The following AKAP11 variants were observed in gnomAD, a reference collection of about 807,000 sequenced individuals.
AKAP11 encodes A-kinase anchoring protein 11, also known as A-kinase anchor protein 11.
A neutral mutation model predicts 146.1 loss-of-function variants in AKAP11; 36 were observed. The ratio of observed to expected loss-of-function variants is 0.25; its 90% CI spans 0.19 to 0.33. The LOEUF (loss-of-function observed/expected upper bound fraction) is 0.33, where lower values mean the gene tolerates loss of function less well. Among genes scored for constraint, AKAP11 ranks in the 10% least tolerant of loss-of-function variants. The probability of loss-of-function intolerance (pLI) is 1.00; values close to 1 mark genes in which losing one functional copy is unlikely to be tolerated. For missense variants in AKAP11, 2,201 were observed against 2,197.0 expected (o/e 1.00, Z -0.04); for synonymous variants, 780 against 786.5 (o/e 0.99, Z 0.14).
chr13:42,302,302 G>C lies in AKAP11; in HGVS notation c.3556G>C (p.Asp1186His). Residue 1186 changes from aspartate to histidine, a missense_variant, in exon 8 of 13, where the codon GAT becomes CAT. By Grantham distance (81) the Asp-to-His change is moderately conservative (BLOSUM62 -1). Coordinates refer to ENST00000025301, the MANE Select transcript of AKAP11 (RefSeq NM_016248.4). ...TGAAAGTGGAGAGCTCCCAGAAGTG[G>C]ATGTGAAGTCGGAGCACTCAGGGAA... is the stretch of plus-strand genomic sequence containing the variant. ...SSESGELPEV[D>H]VKSEHSGKKV... 1 of 1,614,172 alleles carries C rather than the reference G, an allele frequency of 6.2e-7. No homozygotes were observed. Among genetic ancestry groups the C allele is most frequent in the Non-Finnish European group, 8.5e-7 (1 of 1,180,030 alleles).
In AKAP11 at chr13:42,300,238, G is replaced by A; in HGVS notation, c.1492G>A (p.Glu498Lys). ...AGACTATGCAAAAAGCATTTCATGT[G>A]AAGTACTAGGCTCAGTTCTTCGTAC... The part of the protein sequence containing the change: ...YEDYAKSISC[E>K]VLGSVLRTHH... The change falls in exon 8 of 13, where the codon GAA becomes AAA. Residue 498 changes from glutamate (E) to lysine (K), a missense_variant. Physicochemically the swap from Glu to Lys is moderately conservative, Grantham distance 56. Coordinates refer to ENST00000025301, the MANE Select transcript of AKAP11 (RefSeq NM_016248.4). The A allele has an allele frequency of 6.2e-7, 1 of 1,613,892 alleles. No homozygotes were observed. The highest frequency in any genetic ancestry group is 8.5e-7 in the Non-Finnish European group (1 of 1,179,868).
chr13:42,281,985 T>G (rs929097907), intron 1 of AKAP11, among the ~76,000 whole-genome samples: 1 of 150,708 alleles, frequency 6.6e-6, no homozygotes, highest in Non-Finnish European at 1.5e-5. Context: ...TCTTTCTTTT[T>G]TTTTTTTTTT....
intron 8 of AKAP11, among the ~76,000 whole-genome samples, chr13:42,305,235 T>G (rs1960191189): frequency 1.3e-5 from 2 of 152,232 alleles, no homozygotes. Context: ...ATATTCCAGA[T>G]TTTTGAGTAG....
intron 1 of AKAP11, among the ~76,000 whole-genome samples, chr13:42,279,109 C>T (rs1286043668): frequency 6.6e-6 from 1 of 151,956 alleles, no homozygotes; most frequent in Non-Finnish European, 1.5e-5. Flanking sequence ...TTATGATTTG[C>T]CTTGGCTTTC....
At chr13:42,312,908 T>G (rs1325525018) in intron 9 of AKAP11, 139 bp from the exon 10 acceptor site, 19 of 676,304 alleles carry the variant, frequency 2.8e-5, no homozygotes, top group Non-Finnish European at 4.5e-5. Flanking sequence ...ATGGTCAATC[T>G]CCTCTCTGGA....
intron 1 of AKAP11, among the ~76,000 whole-genome samples, chr13:42,273,301 G>A (rs1958825592): frequency 6.6e-6 from 1 of 151,814 alleles, no homozygotes; most frequent in Non-Finnish European, 1.5e-5. Context: ...ATCATTTTAG[G>A]ATGGCAGCCC....
At chr13:42,277,432 T>C (rs1958949939) in intron 1 of AKAP11, among the ~76,000 whole-genome samples, 1 of 152,222 alleles carries the variant, frequency 6.6e-6, no homozygotes, top group South Asian at 2.1e-4. Flanking sequence ...TCAGTAGCCA[T>C]TCACACTTAG....
At position 42,303,046 on chromosome 13, in the gene AKAP11, T is replaced by C; in HGVS notation, c.4300T>C (p.Phe1434Leu). 1.2e-6 allele frequency: 2 copies of C among 1,612,946 alleles called. No homozygotes were observed. ...KRQSKRNEGY[F>L]CKNQTCERTL... ...ACAAAGTAAAAGAAATGAAGGTTAC[T>C]TTTGTAAAAATCAAACTTGTGAAAG... The change falls in exon 8 of 13, where the codon TTT becomes CTT. Residue 1434 changes from phenylalanine (F) to leucine (L), a missense_variant. Phe to Leu is a conservative substitution (Grantham distance 22). This residue lies in a region of AKAP11 where 1,867 missense variants were observed against 1,833.5 expected (regional missense o/e 1.02). Transcript: ENST00000025301.
Position 42,300,194 on chromosome 13 carries a change from C to G in AKAP11, c.1448C>G (p.Ser483Cys), listed in dbSNP as rs761817532. 6 of 1,613,770 alleles carry G rather than the reference C, an allele frequency of 3.7e-6. No homozygotes were observed. The highest frequency in any genetic ancestry group is 5.1e-6 in the Non-Finnish European group (6 of 1,179,884). The change falls in exon 8 of 13, where the codon TCT becomes TGT. Residue 483 changes from serine (S) to cysteine (C), a missense_variant. Ser to Cys is a moderately radical substitution (Grantham distance 112, BLOSUM62 -1). Around this residue, in one of 3 missense-constraint regions of AKAP11, gnomAD observed 1,867 missense variants for 1,833.5 expected, o/e 1.02. Transcript: ENST00000025301. ...GGDRIHENHD[S>C]VYYTYEDYAK... is the part of the protein sequence containing the mutation. ...GATAGGATTCATGAAAATCATGATT[C>G]TGTTTATTACACCTATGAAGACTAT...
intron 6 of AKAP11, among the ~76,000 whole-genome samples, 187 bp downstream of exon 6, chr13:42,297,369 T>G (rs1959578677): frequency 1.3e-5 from 2 of 151,940 alleles, no homozygotes; most frequent in South Asian, 4.1e-4. Flanking sequence ...ATAATTTTGG[T>G]CATATCTTAT....
chr13:42,292,599 A>G (rs1303595598), intron 4 of AKAP11, 98 bp downstream of exon 4: 1 of 665,552 alleles, frequency 1.5e-6, no homozygotes, highest in South Asian at 4.5e-5. Flanking sequence ...AATGCCTAAA[A>G]TCTCTATTTG....
At chr13:42,289,350 C>T (rs1192956111) in intron 3 of AKAP11, among the ~76,000 whole-genome samples, 1 of 152,180 alleles carries the variant, frequency 6.6e-6, no homozygotes, top group African/African-American at 2.4e-5. Context: ...TCATAGTTAA[C>T]ACCAGTGGTA....
In AKAP11 at chr13:42,301,544, G is replaced by GCAATAAGGA; in HGVS notation, c.2801_2809dup (p.Asn934_Asp936dup). 6.2e-7 allele frequency: 1 copy of GCAATAAGGA among 1,614,100 alleles called. No individual in the cohort carries two copies. Among genetic ancestry groups the GCAATAAGGA allele is most frequent in the Non-Finnish European group, 8.5e-7 (1 of 1,179,982 alleles). ...GTGCTGCAATGCAGTGAAGCTAGTA[G>GCAATAAGGA]CAATAAGGACATGTTTGCTGACCGG... On this transcript the variant is annotated inframe_insertion, in exon 8 of 13. Coordinates refer to ENST00000025301, the MANE Select transcript of AKAP11 (RefSeq NM_016248.4).
Position 42,301,124 on chromosome 13 carries a change from A to T in AKAP11, c.2378A>T (p.His793Leu), listed in dbSNP as rs781729283. The T allele has an allele frequency of 6.2e-7, 1 of 1,614,094 alleles. No individual in the cohort carries two copies. Among genetic ancestry groups the T allele is most frequent in the Non-Finnish European group, 8.5e-7 (1 of 1,179,972 alleles). The change falls in exon 8 of 13, where the codon CAT becomes CTT. Residue 793 changes from histidine (H) to leucine (L), a missense_variant. Transcript: ENST00000025301. Reference protein sequence around the residue: ...PLAGSALLPYHISSTACQAKA... With the variant: ...PLAGSALLPYLISSTACQAKA... The stretch of plus-strand genomic sequence containing the variant: ...GCAGGAAGTGCCCTTCTCCCATATC[A>T]TATTTCATCTACTGCATGTCAGGCC...
chr13:42,274,113 T>C (rs1958852349), intron 1 of AKAP11, among the ~76,000 whole-genome samples: 1 of 152,162 alleles, frequency 6.6e-6, no homozygotes, highest in African/African-American at 2.4e-5. Context: ...TGGTGTTTGG[T>C]TTTTCAAAAG....
chr13:42,313,021 G>C (rs548955257), intron 9 of AKAP11, 26 bp from the exon 10 acceptor site: 3 of 1,590,718 alleles, frequency 1.9e-6, no homozygotes, highest in Non-Finnish European at 2.6e-6. Flanking sequence ...TTCTAGTTCA[G>C]CTCTGTTCTT....
At chr13:42,306,132 C>G (rs1359239285) in intron 8 of AKAP11, among the ~76,000 whole-genome samples, 1 of 152,138 alleles carries the variant, frequency 6.6e-6, no homozygotes, top group African/African-American at 2.4e-5. Flanking sequence ...AACCTCTGTC[C>G]TAGATCCACA....
At position 42,301,818 on chromosome 13, in the gene AKAP11, A is replaced by G. The variant is rs942228759; in HGVS notation, c.3072A>G (p.Pro1024=). Residue 1024 remains proline (P), a synonymous_variant, in exon 8 of 13, where the codon CCA becomes CCG. Transcript: ENST00000025301. ...ATGGATCCTCCCTAGAGACACTGCC[A>G]TCTTGTCCAGCTGTGACAGGTCAGA... ...MVHGSSLETL[P]SCPAVTGQKS... The G allele has an allele frequency of 3.7e-6, 6 of 1,614,170 alleles. No individual in the cohort carries two copies. The highest frequency in any genetic ancestry group is 3.3e-5 in the South Asian group (3 of 91,080).
In AKAP11 at chr13:42,303,580, C is replaced by T; in HGVS notation, c.4834C>T (p.Leu1612Phe). The T allele has an allele frequency of 6.2e-7, 1 of 1,614,234 alleles. No homozygotes were observed. The highest frequency in any genetic ancestry group is 8.5e-7 in the Non-Finnish European group (1 of 1,180,046). ...TCAGCACTTTTTCAGACAGGGTTCT[C>T]TCGCCAGTAGTAAGCCAGCTTCTAA... is the stretch of plus-strand genomic sequence containing the variant. ...SSQHFFRQGSLASSKPASNPK... is the reference protein window; with the variant it reads ...SSQHFFRQGSFASSKPASNPK... The change falls in exon 8 of 13, where the codon CTC (leucine) becomes TTC (phenylalanine). Residue 1612 changes from leucine to phenylalanine, a missense_variant. Coordinates refer to ENST00000025301, the MANE Select transcript of AKAP11 (RefSeq NM_016248.4).
Sources: allele counts gnomAD v4.1 joint callset (sites outside exome capture counted in the v4.1 genomes callset), GRCh38; gene constraint gnomAD v4.1.1; regional missense constraint gnomAD v4.1.1; transcripts MANE v1.5; gene names NCBI Gene and HGNC (gene_info 2026-07-23, HGNC 2026-07-21).